The following NBAS variants were observed in gnomAD, a reference collection of about 807,000 sequenced individuals.
The protein encoded by NBAS is NBAS subunit of NRZ tethering complex.
NBAS carries 219 observed loss-of-function variants against 302.5 expected under a neutral mutation model. That is an observed-to-expected ratio of 0.72 (90% CI 0.65 to 0.81). NBAS has a LOEUF of 0.81. NBAS is among the 30% of genes least tolerant of loss of function. The probability of loss-of-function intolerance (pLI) is 0.00; values close to 1 mark genes in which losing one functional copy is unlikely to be tolerated. For synonymous variants in NBAS, 1,118 were observed against 1,021.6 expected (o/e 1.09, Z -1.80); for missense variants, 2,932 against 2,841.6 (o/e 1.03, Z -0.72).
chr2:15,238,140 TTTC>T (rs1667688104), intron 45 of NBAS, among the ~76,000 whole-genome samples: 1 of 152,112 alleles, frequency 6.6e-6, no homozygotes, highest in African/African-American at 2.4e-5. Context: ...TGTCTTCTCA[TTTC>T]TTCATTTTAG....
chr2:15,098,342 T>C, the NBAS span, among the ~76,000 whole-genome samples: 1 of 64,750 alleles, frequency 1.5e-5, no homozygotes, highest in Admixed American at 2.3e-4. Flanking sequence ...TTGTATATAA[T>C]ATATAATATA....
At chr2:14,790,649 C>T in the NBAS span, among the ~76,000 whole-genome samples, 338 of 124,400 alleles carry the variant, frequency 2.7e-3, 3 homozygotes, top group African/African-American at 9.2e-3. Context: ...GAATTCATGC[C>T]TTTTTTTTTT....
chr2:15,352,066 C>A lies in NBAS; in HGVS notation c.4105G>T (p.Val1369Leu). 6.2e-7 allele frequency: 1 copy of A among 1,609,444 alleles called. No homozygotes were observed. The highest frequency in any genetic ancestry group is 2.2e-5 in the East Asian group (1 of 44,780). ...SLQTEILYQR[V>L]NFQIHHEGGE... Reference sequence around the variant, plus strand: ...CCTTCATGATGGATCTGGAAATTCACTCTTTGATAAAGAATCTAAAACAAG... The same window carrying A: ...CCTTCATGATGGATCTGGAAATTCAATCTTTGATAAAGAATCTAAAACAAG... Residue 1369 changes from valine (V) to leucine (L), a missense_variant, in exon 35 of 52, where the codon GTG becomes TTG. Transcript: ENST00000281513.
At chr2:14,828,365 C>A in the NBAS span, among the ~76,000 whole-genome samples, 4 of 152,008 alleles carry the variant, frequency 2.6e-5, no homozygotes, top group Non-Finnish European at 1.5e-5. Context: ...TGAGAGGGAG[C>A]AGCCCATGAA....
At chr2:15,009,693 CATATATAT>C in the NBAS span, among the ~76,000 whole-genome samples, 2,051 of 126,524 alleles carry the variant, frequency 0.016, 78 homozygotes, top group African/African-American at 0.055. Context: ...TGTAGGAATG[CATATATAT>C]ATATATATAT....
At chr2:15,229,639 G>A (rs924172296) in intron 47 of NBAS, among the ~76,000 whole-genome samples, 1 of 151,610 alleles carries the variant, frequency 6.6e-6, no homozygotes, top group African/African-American at 2.4e-5. Flanking sequence ...AAAATTAGCT[G>A]GACATGGTGG....
chr2:15,302,323 C>T (rs1203063517), intron 40 of NBAS, among the ~76,000 whole-genome samples: 1 of 152,232 alleles, frequency 6.6e-6, no homozygotes, highest in African/African-American at 2.4e-5. Flanking sequence ...AACTAGCTGA[C>T]TCATGCCCAT....
the NBAS span, among the ~76,000 whole-genome samples, chr2:14,840,063 T>C: frequency 7.0e-3 from 1,066 of 152,126 alleles, 8 homozygotes; most frequent in African/African-American, 0.024. Flanking sequence ...AAATTTATTA[T>C]ATAAATTTAA....
At chr2:15,003,366 A>G in the NBAS span, among the ~76,000 whole-genome samples, 1 of 152,204 alleles carries the variant, frequency 6.6e-6, no homozygotes, top group African/African-American at 2.4e-5. Flanking sequence ...TGCTTTTGAT[A>G]AATACACAGG....
At chr2:15,153,811 C>T in the NBAS span, among the ~76,000 whole-genome samples, 1 of 152,112 alleles carries the variant, frequency 6.6e-6, no homozygotes, top group Admixed American at 6.5e-5. Context: ...GAAGGTAATT[C>T]TTTATAGGGA....
chr2:14,958,969 G>T, the NBAS span, among the ~76,000 whole-genome samples: 1 of 152,206 alleles, frequency 6.6e-6, no homozygotes, highest in African/African-American at 2.4e-5. Context: ...GAAGGGTGGA[G>T]TAACACTGAA....
the NBAS span, among the ~76,000 whole-genome samples, chr2:15,043,245 A>G: frequency 4.6e-5 from 7 of 152,262 alleles, no homozygotes; most frequent in African/African-American, 1.4e-4. Flanking sequence ...GCCTGTGGGC[A>G]CCAAAAACCG....
the NBAS span, among the ~76,000 whole-genome samples, chr2:14,953,799 G>A: frequency 5.9e-5 from 9 of 152,198 alleles, no homozygotes. Context: ...GTTAGAGTTG[G>A]TGGCACTAGG....
the NBAS span, among the ~76,000 whole-genome samples, chr2:15,034,248 G>GAAAGAAAGAAAGAAA: frequency 1.1e-5 from 1 of 91,666 alleles, no homozygotes; most frequent in East Asian, 2.6e-4. Context: ...AAGAAAGAAA[G>GAAAGAAAGAAAGAAA]AAAGAAAGAA....
At chr2:15,341,470 AAGAT>A (rs1221422702) in intron 35 of NBAS, among the ~76,000 whole-genome samples, 1 of 151,998 alleles carries the variant, frequency 6.6e-6, no homozygotes, top group Non-Finnish European at 1.5e-5. Context: ...CACTGTAACT[AAGAT>A]AGAAAACTTG....
the NBAS span, among the ~76,000 whole-genome samples, chr2:14,985,162 C>T: frequency 0.12 from 18,726 of 152,096 alleles, 1,288 homozygotes; most frequent in Middle Eastern, 0.21. Context: ...GGTATATTTG[C>T]AGAACACTAT....
rs753733210 is a variant in NBAS, at chr2:15,327,897, C to T, written c.4462-27G>A. 6 of 1,612,984 alleles carry T rather than the reference C, an allele frequency of 3.7e-6. No individual in the cohort carries two copies. In the South Asian group the frequency reaches 5.5e-5, roughly 15 times the overall value. The stretch of plus-strand genomic sequence containing the variant: ...TACACAAAAGAAGCAGTTTCACTAT[C>T]TAGTAGGGTGCCTTTTGTCCTACAA... On this transcript the variant is annotated intron_variant, in intron 37 of 51. Transcript: ENST00000281513.
At chr2:15,544,558 T>TAAA (rs1433828089) in intron 6 of NBAS, among the ~76,000 whole-genome samples, 1 of 152,138 alleles carries the variant, frequency 6.6e-6, no homozygotes, top group Non-Finnish European at 1.5e-5. Flanking sequence ...TAAAGCAGGA[T>TAAA]AAACTCAAAA....
At chr2:15,339,923 G>T (rs199855514) in intron 35 of NBAS, among the ~76,000 whole-genome samples, 1 of 145,956 alleles carries the variant, frequency 6.9e-6, no homozygotes, top group Admixed American at 6.8e-5. Flanking sequence ...ATGGCAAAAA[G>T]GAAAAAAAAA....
Sources: allele counts gnomAD v4.1 joint callset (sites outside exome capture counted in the v4.1 genomes callset), GRCh38; gene constraint gnomAD v4.1.1; transcripts MANE v1.5; gene names NCBI Gene and HGNC (gene_info 2026-07-23, HGNC 2026-07-21).